The following ACTN2 variants were observed in gnomAD, a reference collection of about 807,000 sequenced individuals.
ACTN2 encodes alpha-actinin-2.
ACTN2 carries 39 observed loss-of-function variants against 113.8 expected under a neutral mutation model. The observed-to-expected ratio is 0.34, with a 90% confidence interval of 0.27 to 0.45. The LOEUF is 0.45. Among genes scored for constraint, ACTN2 ranks in the 20% least tolerant of loss-of-function variants. ACTN2 has a pLI of 1.00. For synonymous variants in ACTN2, 429 were observed against 444.1 expected, an observed-to-expected ratio of 0.97 and a Z score of 0.43; for missense variants, 992 against 1,177.9, an observed-to-expected ratio of 0.84 and a Z score of 2.31.
chr1:236,752,773 A>G (rs961614329), intron 15 of ACTN2, among the ~76,000 whole-genome samples: 9 of 151,926 alleles, frequency 5.9e-5, no homozygotes, highest in African/African-American at 2.2e-4. Flanking sequence ...GGCTGGTCTC[A>G]AACTCCTGAC....
At chr1:236,691,393 A>G (rs1337074304) in intron 1 of ACTN2, among the ~76,000 whole-genome samples, 1 of 152,094 alleles carries the variant, frequency 6.6e-6, no homozygotes. Flanking sequence ...CTGTAATCCC[A>G]GCACTTTGAG....
chr1:236,727,593 A>C (rs1658590279), intron 5 of ACTN2, 85 bp from the exon 6 acceptor site: 1 of 1,418,002 alleles, frequency 7.1e-7, no homozygotes, highest in Non-Finnish European at 1.0e-6. Context: ...GACAGAAGGA[A>C]GGCCAACATC....
intron 6 of ACTN2, among the ~76,000 whole-genome samples, chr1:236,728,143 CTTT>C (rs11436295): frequency 9.1e-5 from 11 of 121,072 alleles, no homozygotes; most frequent in Non-Finnish European, 1.2e-4. Flanking sequence ...TAGCCCAAGC[CTTT>C]TTTTTTTTTT....
At chr1:236,749,064 AC>A in intron 13 of ACTN2, 59 bp from the exon 14 acceptor site, 1 of 1,585,486 alleles carries the variant, frequency 6.3e-7, no homozygotes, top group African/African-American at 1.3e-5. Context: ...ACGCCTACTT[AC>A]ACTTTCAGTG....
intron 4 of ACTN2, among the ~76,000 whole-genome samples, chr1:236,721,601 C>G (rs1002193695): frequency 2.6e-5 from 4 of 152,146 alleles, no homozygotes; most frequent in African/African-American, 9.7e-5. Context: ...ATTACAGTAC[C>G]TTCCTTTATG....
intron 12 of ACTN2, among the ~76,000 whole-genome samples, chr1:236,746,016 A>G (rs1282512744): frequency 6.6e-6 from 1 of 151,778 alleles, no homozygotes; most frequent in Non-Finnish European, 1.5e-5. Context: ...ACAAAAAAAA[A>G]TTAGCCAGGC....
At chr1:236,747,004 C>T (rs1659257723) in intron 12 of ACTN2, among the ~76,000 whole-genome samples, 1 of 152,200 alleles carries the variant, frequency 6.6e-6, no homozygotes, top group African/African-American at 2.4e-5. Flanking sequence ...CAATGTGGCG[C>T]AGGCTGACTC....
intron 12 of ACTN2, among the ~76,000 whole-genome samples, chr1:236,745,391 G>A (rs969086805): frequency 2.6e-5 from 4 of 152,106 alleles, no homozygotes; most frequent in South Asian, 4.1e-4. Flanking sequence ...CCGAGATCGC[G>A]CCACTGCACT....
intron 7 of ACTN2, among the ~76,000 whole-genome samples, chr1:236,733,643 C>G (rs1430010055): frequency 6.7e-6 from 1 of 148,700 alleles, no homozygotes; most frequent in Non-Finnish European, 1.5e-5. Context: ...GCGGTGGCAT[C>G]ACTGCCTAAC....
At chr1:236,688,532 G>A (rs1192339987) in intron 1 of ACTN2, among the ~76,000 whole-genome samples, 8 of 152,140 alleles carry the variant, frequency 5.3e-5, no homozygotes, top group Non-Finnish European at 1.2e-4. Context: ...GGATTCCTAT[G>A]TTGACTGTAT....
At chr1:236,692,739 C>T (rs1666130622) in intron 1 of ACTN2, among the ~76,000 whole-genome samples, 1 of 152,134 alleles carries the variant, frequency 6.6e-6, no homozygotes, top group Admixed American at 6.5e-5. Flanking sequence ...CCGGGGTTGC[C>T]CTAGGCCTTC....
At chr1:236,745,440 A>C (rs921231452) in intron 12 of ACTN2, among the ~76,000 whole-genome samples, 3 of 152,232 alleles carry the variant, frequency 2.0e-5, no homozygotes, top group Non-Finnish European at 4.4e-5. Flanking sequence ...TCTCAAAAAA[A>C]CAAAAAACAA....
chr1:236,757,440 A>G lies in ACTN2; in HGVS notation c.2155-46A>G, dbSNP rs1362836693. ...ATGAAAGTAAAGAGGCAGAGTTGAC[A>G]TGCTGGAGAGACTTAGAACTGATCT... On this transcript the variant is annotated intron_variant, in intron 17 of 20. Transcript: ENST00000366578. The G allele has an allele frequency of 3.1e-6, 5 of 1,613,166 alleles. No individual in the cohort carries two copies. In the African/African-American group the frequency reaches 5.3e-5, roughly 17 times the overall value.
chr1:236,719,223 A>T (rs1200216832), intron 3 of ACTN2, among the ~76,000 whole-genome samples: 2 of 152,232 alleles, frequency 1.3e-5, no homozygotes, highest in Admixed American at 6.5e-5. Flanking sequence ...TGTAAAGCAT[A>T]GAATTAAATA....
intron 4 of ACTN2, among the ~76,000 whole-genome samples, chr1:236,723,501 T>G (rs534712660): frequency 2.0e-5 from 3 of 152,212 alleles, no homozygotes; most frequent in Non-Finnish European, 4.4e-5. Flanking sequence ...AGTCTCACTC[T>G]GTCACCCAGG....
chr1:236,734,581 A>G lies in ACTN2; in HGVS notation c.698-1054A>G, dbSNP rs1046750251. 7.9e-5 allele frequency: 100 copies of G among 1,268,038 alleles called. No homozygotes were observed. The Admixed American group carries it at 2.1e-3, about 27-fold the overall frequency. The allele number at this position is 1,268,038 out of a possible 1,614,324, so 78.5% of individuals were successfully genotyped here. A position where few individuals can be genotyped will look rare whatever the true frequency, so the allele number is the denominator to read the frequency against. On this transcript the variant is annotated intron_variant, in intron 7 of 20. Transcript: ENST00000366578. ...CCTTCTGTGTCTTAATTTTTTTTCA[A>G]TTGTTTTCCTCTTTTTTCCCCCCTC...
intron 1 of ACTN2, among the ~76,000 whole-genome samples, chr1:236,695,563 T>TTCCCCCC (rs1553296741): frequency 3.6e-4 from 36 of 100,774 alleles, no homozygotes; most frequent in Non-Finnish European, 4.5e-4. Context: ...TGAAATGAGT[T>TTCCCCCC]CCCCCCCCCT....
intron 1 of ACTN2, among the ~76,000 whole-genome samples, chr1:236,701,644 G>A (rs536293436): frequency 6.6e-6 from 1 of 152,118 alleles, no homozygotes; most frequent in African/African-American, 2.4e-5. Flanking sequence ...GTTAATATGG[G>A]CCAGGCATTA....
chr1:236,712,111 C>T lies in ACTN2; in HGVS notation c.127-5747C>T, dbSNP rs547692682. Among the ~76,000 whole-genome samples the T allele has an allele frequency of 3.9e-5, 6 of 152,302 alleles. No individual in the cohort carries two copies. The East Asian group carries it at 9.6e-4, about 24-fold the overall frequency. ...AACCCTAAAGATGCATGTTGCGATA[C>T]AAACAACAAGAAAGTTCACAAAGAA... On this transcript the variant is annotated intron_variant, in intron 1 of 20. Coordinates refer to ENST00000366578, the MANE Select transcript of ACTN2 (RefSeq NM_001103.4).
Sources: gnomAD v4.1 joint callset for allele counts (sites outside exome capture counted in the v4.1 genomes callset) on GRCh38, gnomAD v4.1.1 for gene constraint, MANE v1.5 for transcripts, NCBI Gene and HGNC (gene_info 2026-07-23, HGNC 2026-07-21) for gene names.